The following EZR variants were observed in gnomAD, a reference collection of about 807,000 sequenced individuals.
EZR encodes the protein cytovillin 2.
In EZR, 40 loss-of-function variants were observed where a neutral mutation model predicts 74.8. The ratio of observed to expected loss-of-function variants is 0.53; its 90% CI spans 0.42 to 0.70. EZR has a LOEUF of 0.70. EZR is among the 30% of genes least tolerant of loss of function. EZR has a pLI of 0.00. For synonymous variants in EZR, 341 were observed against 283.3 expected (o/e 1.20, Z -2.05); for missense variants, 678 against 755.8 (o/e 0.90, Z 1.21).
At chr6:158,788,277 G>A (rs1454798497) in intron 3 of EZR, 1 of 152,168 alleles carries the variant, frequency 6.6e-6, no homozygotes, top group African/African-American at 2.4e-5. Flanking sequence ...GCTCCCTAAA[G>A]CTCTAGAAGT....
At chr6:158,768,953 G>A (rs181641567) in intron 12 of EZR, among the ~76,000 whole-genome samples, 42 of 152,266 alleles carry the variant, frequency 2.8e-4, no homozygotes, top group Non-Finnish European at 5.0e-4. Flanking sequence ...CAGGCACTGC[G>A]ACCCCATTGC....
chr6:158,794,881 G>A (rs562303360), intron 2 of EZR, among the ~76,000 whole-genome samples: 1 of 152,290 alleles, frequency 6.6e-6, no homozygotes, highest in East Asian at 1.9e-4. Flanking sequence ...AAAGAACCAT[G>A]TGGTTGACGG....
At chr6:158,815,024 C>T (rs996140542) in intron 2 of EZR, among the ~76,000 whole-genome samples, 4 of 152,172 alleles carry the variant, frequency 2.6e-5, no homozygotes, top group Non-Finnish European at 4.4e-5. Flanking sequence ...AGGTGGAAGG[C>T]CAACTACTCA....
intron 4 of EZR, among the ~76,000 whole-genome samples, chr6:158,786,628 G>A (rs1791588756): frequency 6.7e-6 from 1 of 149,694 alleles, no homozygotes; most frequent in Non-Finnish European, 1.5e-5. Flanking sequence ...TTAACTTGTT[G>A]CTGTGACTTG....
Position 158,767,312 on chromosome 6 carries a change from C to T in EZR, c.1545G>A (p.Glu515=). 6.2e-7 allele frequency: 1 copy of T among 1,614,206 alleles called. No individual in the cohort carries two copies. The highest frequency in any genetic ancestry group is 8.5e-7 in the Non-Finnish European group (1 of 1,180,024). ...SEGIRDDRNE[E]KRITEAEKNE... is the part of the protein sequence containing the mutation. ...TCTTCTCTGCCTCAGTGATGCGCTT[C>T]TCCTCATTGCGGTCATCCCGGATGC... is the stretch of plus-strand genomic sequence containing the variant. The change falls in exon 13 of 14, where the codon GAG becomes GAA. Residue 515 remains glutamate (E), a synonymous_variant. Coordinates refer to ENST00000367075, the MANE Select transcript of EZR (RefSeq NM_001111077.2).
intron 3 of EZR, among the ~76,000 whole-genome samples, chr6:158,787,624 G>A (rs1022272793): frequency 1.3e-5 from 2 of 152,184 alleles, no homozygotes; most frequent in African/African-American, 4.8e-5. Flanking sequence ...GAAGACTAAA[G>A]CATCCAGTGC....
chr6:158,781,840 TACA>T (rs1425892262), intron 7 of EZR, among the ~76,000 whole-genome samples: 1 of 151,438 alleles, frequency 6.6e-6, no homozygotes, highest in Non-Finnish European at 1.5e-5. Flanking sequence ...CTTGGCTTAC[TACA>T]ACCTCTGCCT....
intron 6 of EZR, 136 bp downstream of exon 6, chr6:158,784,508 A>AC (rs1395002505): frequency 2.3e-5 from 16 of 704,776 alleles, no homozygotes; most frequent in Non-Finnish European, 3.7e-5. Context: ...AGAAAACCCC[A>AC]CTTTTAACTC....
At chr6:158,817,980 A>G in intron 2 of EZR, 102 bp downstream of exon 2, 5 of 1,177,818 alleles carry the variant, frequency 4.2e-6, no homozygotes, top group Non-Finnish European at 6.0e-6. Flanking sequence ...GCGTGTGAGA[A>G]GAACCCTGTT....
At chr6:158,789,218 A>G (rs1490060231) in intron 3 of EZR, 70 bp downstream of exon 3, 4 of 1,196,696 alleles carry the variant, frequency 3.3e-6, no homozygotes, top group African/African-American at 3.1e-5. Flanking sequence ...CTTCGCAAAC[A>G]AAATAACTGA....
rs534904755 is a variant in EZR at position 158,785,294 on chromosome 6, T to A, written c.467+15A>T. On this transcript the variant is annotated intron_variant, in intron 5 of 13. Coordinates refer to ENST00000367075, the MANE Select transcript of EZR (RefSeq NM_001111077.2). The stretch of plus-strand genomic sequence containing the variant: ...CATGACTGCTCCTGCCCAGGCCGGG[T>A]CATCCTGTGCTCACCTTTGAGGGAT... 1 of 1,610,638 alleles carries A rather than the reference T, an allele frequency of 6.2e-7. No individual in the cohort carries two copies. The highest frequency in any genetic ancestry group is 1.1e-5 in the South Asian group (1 of 91,008).
intron 2 of EZR, among the ~76,000 whole-genome samples, chr6:158,792,826 A>AAAG (rs1199578268): frequency 6.6e-6 from 1 of 150,590 alleles, no homozygotes; most frequent in Non-Finnish European, 1.5e-5. Context: ...AAAAAAAAAA[A>AAAG]AAGTAAGCTA....
chr6:158,818,808 A>AC (rs1305308917), intron 1 of EZR, among the ~76,000 whole-genome samples: 3 of 116,254 alleles, frequency 2.6e-5, no homozygotes, highest in Non-Finnish European at 5.1e-5. Flanking sequence ...CCCGCGGGGC[A>AC]CCCGACAGGG....
In EZR at chr6:158,769,947, G is replaced by A; in HGVS notation, c.1091-3C>T. ...CCTCTGAATCTGCTCCGAGAGCTCT[G>A]CAAAGACACAAAGCCAGAGCCATTC... On this transcript the variant is annotated splice_region_variant and splice_polypyrimidine_tract_variant and intron_variant, in intron 10 of 13. Coordinates refer to ENST00000367075, the MANE Select transcript of EZR (RefSeq NM_001111077.2). 1 of 1,609,070 alleles carries A rather than the reference G, an allele frequency of 6.2e-7. No individual in the cohort carries two copies. Among genetic ancestry groups the A allele is most frequent in the Non-Finnish European group, 8.5e-7 (1 of 1,179,944 alleles).
intron 3 of EZR, among the ~76,000 whole-genome samples, chr6:158,787,768 A>AG (rs1262858553): frequency 2.6e-5 from 4 of 152,236 alleles, no homozygotes; most frequent in Non-Finnish European, 5.9e-5. Flanking sequence ...CTGGGACGGA[A>AG]GGGTGTCAAT....
At chr6:158,775,996 G>A (rs1460531879) in intron 8 of EZR, among the ~76,000 whole-genome samples, 3 of 152,186 alleles carry the variant, frequency 2.0e-5, no homozygotes, top group Non-Finnish European at 2.9e-5. Flanking sequence ...TTGGGTGCAA[G>A]TCTGACTGTC....
At position 158,792,937 on chromosome 6, in the gene EZR, G is replaced by C. The variant is rs1791783622; in HGVS notation, c.13-3566C>G. On this transcript the variant is annotated intron_variant, in intron 2 of 13. Transcript: ENST00000367075. ...CACAATGCCAACTCTTAGCTGGTCC[G>C]ATCATTCCACAAAATTTTTTACCTA... 3.9e-5 allele frequency among the ~76,000 whole-genome samples: 6 copies of C among 152,094 alleles called. No individual in the cohort carries two copies. In the South Asian group the frequency reaches 1.2e-3, roughly 32 times the overall value.
intron 7 of EZR, among the ~76,000 whole-genome samples, chr6:158,782,433 G>A (rs927184417): frequency 2.0e-5 from 3 of 152,226 alleles, no homozygotes; most frequent in African/African-American, 7.2e-5. Flanking sequence ...GAACAGATGA[G>A]ATGGGTGAGC....
intron 2 of EZR, among the ~76,000 whole-genome samples, chr6:158,801,240 G>C (rs950195930): frequency 1.3e-5 from 2 of 152,188 alleles, no homozygotes; most frequent in Non-Finnish European, 2.9e-5. Context: ...TCAGTCTCCA[G>C]AGTATCTGGG....
Sources: gnomAD v4.1 joint callset for allele counts (sites outside exome capture counted in the v4.1 genomes callset) on GRCh38, gnomAD v4.1.1 for gene constraint, MANE v1.5 for transcripts, NCBI Gene and HGNC (gene_info 2026-07-23, HGNC 2026-07-21) for gene names.